The following DPP6 variants were observed in gnomAD, a reference collection of about 807,000 sequenced individuals.
DPP6 encodes dipeptidyl peptidase like 6.
Under a neutral mutation model 122.6 loss-of-function variants are expected in DPP6, and 69 were observed. That is an observed-to-expected ratio of 0.56 (90% CI 0.46 to 0.69). The LOEUF is 0.69. Among genes scored for constraint, DPP6 ranks in the 30% least tolerant of loss-of-function variants. DPP6 has a pLI of 0.00. For synonymous variants in DPP6, 418 were observed against 433.1 expected, an observed-to-expected ratio of 0.97 and a Z score of 0.43; for missense variants, 928 against 1,116.9, an observed-to-expected ratio of 0.83 and a Z score of 2.41.
At chr7:154,361,627 A>AC (rs1811732741) in intron 1 of DPP6, among the ~76,000 whole-genome samples, 1 of 147,356 alleles carries the variant, frequency 6.8e-6, no homozygotes, top group African/African-American at 2.6e-5. Context: ...AAAAAAAAGA[A>AC]TTGGGGTCAT....
intron 8 of DPP6, among the ~76,000 whole-genome samples, chr7:154,764,765 T>G (rs1795797762): frequency 6.6e-6 from 1 of 152,224 alleles, no homozygotes; most frequent in South Asian, 2.1e-4. Flanking sequence ...TATTACAAAC[T>G]TCCAAGCTTT....
At chr7:154,500,262 G>A (rs959113110) in intron 3 of DPP6, among the ~76,000 whole-genome samples, 6 of 152,214 alleles carry the variant, frequency 3.9e-5, no homozygotes, top group African/African-American at 1.4e-4. Context: ...TGGTTGCACA[G>A]CTGTGTGACC....
chr7:153,941,224 T>C (rs1801682327), intron 1 of DPP6, among the ~76,000 whole-genome samples: 1 of 152,190 alleles, frequency 6.6e-6, no homozygotes, highest in Admixed American at 6.5e-5. Flanking sequence ...TTGGAATGTG[T>C]TGTCATTGTA....
intron 1 of DPP6, among the ~76,000 whole-genome samples, chr7:154,079,434 AG>A (rs759013233): frequency 5.1e-4 from 77 of 152,292 alleles, no homozygotes; most frequent in Middle Eastern, 6.8e-3. Flanking sequence ...GCGCAAATGA[AG>A]GGTGGGAGCT....
At chr7:154,170,940 C>G (rs1297821130) in intron 1 of DPP6, among the ~76,000 whole-genome samples, 3 of 152,156 alleles carry the variant, frequency 2.0e-5, no homozygotes, top group African/African-American at 7.2e-5. Context: ...GTGAGTTAGG[C>G]TGGAATGAAG....
chr7:153,955,362 T>C (rs1011183109), intron 1 of DPP6, among the ~76,000 whole-genome samples: 4 of 152,218 alleles, frequency 2.6e-5, no homozygotes, highest in Non-Finnish European at 5.9e-5. Flanking sequence ...TAACATGGCC[T>C]ATTTTGTGCT....
intron 1 of DPP6, among the ~76,000 whole-genome samples, chr7:154,341,290 C>G (rs1809907724): frequency 1.3e-5 from 2 of 152,130 alleles, no homozygotes. Flanking sequence ...TCAGTGCAGG[C>G]TGCGGTGTCT....
Position 154,112,816 on chromosome 7 carries a change from A to G in DPP6, c.243+59753A>G, listed in dbSNP as rs571066452. ...TTAAGTCTTGTTAACTGAAAGCACA[A>G]TAGGATACAGCAAATATCTAGAACT... On this transcript the variant is annotated intron_variant, in intron 1 of 25. Transcript: ENST00000377770. Among the ~76,000 whole-genome samples, 1,081 of 152,072 alleles carry G rather than the reference A, an allele frequency of 7.1e-3. 7 individuals are homozygous for G. The highest frequency in any genetic ancestry group is 8.4e-3 in the Non-Finnish European group (572 of 68,010).
intron 1 of DPP6, among the ~76,000 whole-genome samples, chr7:153,936,819 A>C (rs925321242): frequency 6.6e-6 from 1 of 152,066 alleles, no homozygotes; most frequent in Non-Finnish European, 1.5e-5. Flanking sequence ...TCAAAAAAAA[A>C]AAGAAATGTG....
In DPP6 at chr7:154,337,308, T is replaced by C. The variant is rs191527255; in HGVS notation, c.244-108906T>C. 4.1e-4 allele frequency among the ~76,000 whole-genome samples: 63 copies of C among 152,328 alleles called. No individual in the cohort carries two copies. The East Asian group carries it at 0.01, about 25-fold the overall frequency. Reference sequence around the variant, plus strand: ...ACCCACACACATCTGCACATGACTTTCTCAGTCTCCTCCTAAATTATCCCT... The same window carrying C: ...ACCCACACACATCTGCACATGACTTCCTCAGTCTCCTCCTAAATTATCCCT... On this transcript the variant is annotated intron_variant, in intron 1 of 25. Coordinates refer to ENST00000377770, the MANE Select transcript of DPP6 (RefSeq NM_130797.4).
At chr7:154,552,023 A>G (rs1390398548) in intron 4 of DPP6, among the ~76,000 whole-genome samples, 2 of 152,320 alleles carry the variant, frequency 1.3e-5, no homozygotes, top group South Asian at 2.1e-4. Flanking sequence ...TGTGTGCCCA[A>G]GTAAATCATT....
At chr7:154,726,755 T>C (rs1391331470) in intron 7 of DPP6, among the ~76,000 whole-genome samples, 1 of 152,156 alleles carries the variant, frequency 6.6e-6, no homozygotes, top group African/African-American at 2.4e-5. Context: ...TTCTACCACA[T>C]AGTCGGACTG....
intron 1 of DPP6, among the ~76,000 whole-genome samples, chr7:154,117,619 G>A (rs147413534): frequency 2.1e-4 from 32 of 152,278 alleles, no homozygotes; most frequent in East Asian, 1.2e-3. Flanking sequence ...CTGCCAGCTC[G>A]CCACAATGAA....
intron 1 of DPP6, among the ~76,000 whole-genome samples, chr7:154,126,602 C>G (rs1482464358): frequency 1.3e-5 from 2 of 151,302 alleles, no homozygotes; most frequent in Non-Finnish European, 2.9e-5. Flanking sequence ...GAGTGTCCAT[C>G]GAGCATCACG....
At chr7:154,648,816 G>A (rs1836675013) in intron 6 of DPP6, among the ~76,000 whole-genome samples, 1 of 151,938 alleles carries the variant, frequency 6.6e-6, no homozygotes, top group Non-Finnish European at 1.5e-5. Flanking sequence ...CCACTAGGGA[G>A]GCTGAGGCAG....
intron 12 of DPP6, among the ~76,000 whole-genome samples, chr7:154,801,052 G>A (rs1321394984): frequency 6.6e-6 from 1 of 151,884 alleles, no homozygotes; most frequent in African/African-American, 2.4e-5. Flanking sequence ...TCACTGGTGA[G>A]CTTGGCGTGC....
At chr7:153,936,804 C>G (rs1400013231) in intron 1 of DPP6, among the ~76,000 whole-genome samples, 1 of 95,800 alleles carries the variant, frequency 1.0e-5, no homozygotes, top group Non-Finnish European at 2.1e-5. Flanking sequence ...GAGTGAGACT[C>G]CGTCTCAAAA....
chr7:154,756,422 A>G (rs1221252228), intron 8 of DPP6, among the ~76,000 whole-genome samples: 1 of 152,138 alleles, frequency 6.6e-6, no homozygotes, highest in Non-Finnish European at 1.5e-5. Flanking sequence ...ACTACAGGCA[A>G]TAGTAGACGA....
chr7:154,147,518 C>G (rs550210038), intron 1 of DPP6, among the ~76,000 whole-genome samples: 1 of 151,378 alleles, frequency 6.6e-6, no homozygotes, highest in African/African-American at 2.4e-5. Flanking sequence ...GTCTTACTCT[C>G]GCTCAGACTG....
Sources: gnomAD v4.1 joint callset for allele counts (sites outside exome capture counted in the v4.1 genomes callset) on GRCh38, gnomAD v4.1.1 for gene constraint, MANE v1.5 for transcripts, NCBI Gene and HGNC (gene_info 2026-07-23, HGNC 2026-07-21) for gene names.